RNF125: variants seen among roughly 807,000 people sequenced by gnomAD.
RNF125 encodes the protein ring finger protein 125.
In RNF125, 21 loss-of-function variants were observed where a neutral mutation model predicts 26.0. The observed-to-expected ratio is 0.81, with a 90% CI of 0.57 to 1.16. The LOEUF (loss-of-function observed/expected upper bound fraction) is 1.16. RNF125 is among the 50% of genes most tolerant of loss of function. The pLI, the probability that RNF125 is intolerant of heterozygous loss-of-function variation, is 0.00. For synonymous variants in RNF125, 95 were observed against 109.2 expected (o/e 0.87, Z 0.81); for missense variants, 270 against 299.4 (o/e 0.90, Z 0.72).
chr18:32,049,952 G>A (rs536308234), intron 4 of RNF125, among the ~76,000 whole-genome samples: 5 of 152,252 alleles, frequency 3.3e-5, no homozygotes, highest in African/African-American at 9.6e-5. Context: ...ACTGAGGGAA[G>A]TCCTGGGCAA....
intron 1 of RNF125, among the ~76,000 whole-genome samples, chr18:32,028,021 G>A (rs185216549): frequency 1.3e-5 from 2 of 152,020 alleles, no homozygotes; most frequent in Non-Finnish European, 1.5e-5. Context: ...GTAGTCGGCC[G>A]GGCGCGGTGG....
the RNF125 span, among the ~76,000 whole-genome samples, chr18:32,089,902 C>G: frequency 3.3e-5 from 5 of 152,146 alleles, no homozygotes; most frequent in Non-Finnish European, 5.9e-5. Context: ...AGAAAATACA[C>G]CTTACTTCCT....
chr18:32,090,215 C>T, the RNF125 span, among the ~76,000 whole-genome samples: 1 of 152,252 alleles, frequency 6.6e-6, no homozygotes, highest in African/African-American at 2.4e-5. Context: ...CACTGCACCC[C>T]AGCCTGGGTG....
intron 1 of RNF125, among the ~76,000 whole-genome samples, chr18:32,030,687 T>G (rs765207653): frequency 1.3e-5 from 2 of 152,204 alleles, no homozygotes; most frequent in Non-Finnish European, 2.9e-5. Flanking sequence ...GGAATGGGTA[T>G]TTATCAAATA....
intron 2 of RNF125, among the ~76,000 whole-genome samples, chr18:32,038,293 G>T (rs1206970196): frequency 6.6e-6 from 1 of 151,996 alleles, no homozygotes; most frequent in Admixed American, 6.6e-5. Context: ...CAAGTGATCT[G>T]CCCACCTTGG....
At chr18:32,057,490 A>T (rs961384695) in intron 4 of RNF125, among the ~76,000 whole-genome samples, 3 of 151,926 alleles carry the variant, frequency 2.0e-5, no homozygotes, top group African/African-American at 7.3e-5. Flanking sequence ...GCATGCCTCC[A>T]CACCTGGCTA....
chr18:32,018,850 C>G lies in RNF125; in HGVS notation c.-14C>G. On this transcript the variant is annotated 5_prime_UTR_variant, in exon 1 of 6. Coordinates refer to ENST00000217740, the MANE Select transcript of RNF125 (RefSeq NM_017831.4). The stretch of plus-strand genomic sequence containing the variant: ...ACTGAGTGCTTCGCAGCTGTCTGGG[C>G]GAGAGGCACAGCGATGGGCTCCGTG... The G allele has an allele frequency of 2.6e-6, 4 of 1,553,470 alleles. No homozygotes were observed. Among genetic ancestry groups the G allele is most frequent in the Non-Finnish European group, 3.5e-6 (4 of 1,150,794 alleles).
At chr18:32,080,637 A>AG in the RNF125 span, among the ~76,000 whole-genome samples, 1 of 152,200 alleles carries the variant, frequency 6.6e-6, no homozygotes. Context: ...TGCAAGATAA[A>AG]ACGTTTTAGA....
At chr18:32,052,189 A>G (rs2039335582) in intron 4 of RNF125, among the ~76,000 whole-genome samples, 1 of 151,840 alleles carries the variant, frequency 6.6e-6, no homozygotes, top group Non-Finnish European at 1.5e-5. Context: ...GGAAAAAAAA[A>G]TCTCCAATAG....
intron 4 of RNF125, among the ~76,000 whole-genome samples, chr18:32,058,625 C>T (rs2432699): frequency 0.36 from 54,955 of 152,022 alleles, 10,406 homozygotes; most frequent in South Asian, 0.44. Context: ...GGATTTCAGG[C>T]GTGAGCCCCT....
chr18:32,019,054 G>C, intron 1 of RNF125, 27 bp downstream of exon 1: 1 of 1,609,912 alleles, frequency 6.2e-7, no homozygotes. Flanking sequence ...CTCGGTTTGC[G>C]CCCACCCCTA....
intron 4 of RNF125, among the ~76,000 whole-genome samples, chr18:32,064,410 T>C (rs1209326537): frequency 7.2e-6 from 1 of 139,158 alleles, no homozygotes; most frequent in African/African-American, 2.7e-5. Flanking sequence ...TTTTTTTTTT[T>C]TTTTTTTTTG....
At chr18:32,050,825 C>G (rs934785618) in intron 4 of RNF125, among the ~76,000 whole-genome samples, 2 of 130,424 alleles carry the variant, frequency 1.5e-5, no homozygotes, top group African/African-American at 5.6e-5. Context: ...GATGTTTTAG[C>G]AAGAACCTTG....
At position 32,070,403 on chromosome 18, in the gene RNF125, C is replaced by T. The variant is rs374963841; in HGVS notation, c.*2019C>T. On this transcript the variant is annotated 3_prime_UTR_variant, in exon 6 of 6. Transcript: ENST00000217740. ...AGCCAGGCTGGTCTCAAACTCCTTA[C>T]CTTGTGATCCGCCCACCTCAGCCTT... 2.5e-4 allele frequency: 38 copies of T among 152,324 alleles called. No individual in the cohort carries two copies. Among genetic ancestry groups the T allele is most frequent in the African/African-American group, 7.7e-4 (32 of 41,556 alleles). The allele number at this position is 152,324 out of a possible 1,614,324, so 9.4% of individuals were successfully genotyped here.
intron 1 of RNF125, among the ~76,000 whole-genome samples, chr18:32,023,362 A>G (rs961985520): frequency 1.3e-5 from 2 of 152,262 alleles, no homozygotes; most frequent in Admixed American, 6.5e-5. Flanking sequence ...CATTTTGCCC[A>G]GGCTGGTCTT....
At chr18:32,049,177 A>G (rs540694049) in intron 4 of RNF125, among the ~76,000 whole-genome samples, 1 of 152,186 alleles carries the variant, frequency 6.6e-6, no homozygotes, top group African/African-American at 2.4e-5. Flanking sequence ...TAGGTCCTCC[A>G]TGATTTTACA....
the RNF125 span, among the ~76,000 whole-genome samples, chr18:32,084,789 C>T: frequency 6.6e-6 from 1 of 152,010 alleles, no homozygotes; most frequent in Non-Finnish European, 1.5e-5. Flanking sequence ...CGGGGCTACT[C>T]ATATGAACAT....
the RNF125 span, among the ~76,000 whole-genome samples, chr18:32,085,384 A>C: frequency 1.6e-5 from 2 of 125,292 alleles, no homozygotes; most frequent in Non-Finnish European, 3.2e-5. Context: ...AGAGAGAGAG[A>C]GAGAGAGAGA....
At chr18:32,055,747 A>G (rs1210738358) in intron 4 of RNF125, among the ~76,000 whole-genome samples, 2 of 151,868 alleles carry the variant, frequency 1.3e-5, no homozygotes, top group East Asian at 1.9e-4. Flanking sequence ...TTGGGAGGCC[A>G]AGGTGGGCGG....
Sources: gnomAD v4.1 joint callset for allele counts (sites outside exome capture counted in the v4.1 genomes callset) on GRCh38, gnomAD v4.1.1 for gene constraint, MANE v1.5 for transcripts, NCBI Gene and HGNC (gene_info 2026-07-23, HGNC 2026-07-21) for gene names.